Variants in ETFRF1 observed in about 807,000 individuals in gnomAD.
The protein encoded by ETFRF1 is electron transfer flavoprotein regulatory factor 1.
ETFRF1 carries 12 observed loss-of-function variants against 9.0 expected under a neutral mutation model. That is an observed-to-expected ratio of 1.34 (90% confidence interval 0.86 to 2.16). The LOEUF (loss-of-function observed/expected upper bound fraction) is 2.16, where lower values mean the gene tolerates loss of function less well. Among genes scored for constraint, ETFRF1 ranks in the 30% most tolerant of loss-of-function variants. The pLI is 0.00. For missense variants in ETFRF1, 98 were observed against 101.8 expected (o/e 0.96, Z 0.16); for synonymous variants, 34 against 33.2 (o/e 1.02, Z -0.08).
intron 1 of ETFRF1, among the ~76,000 whole-genome samples, chr12:25,202,196 T>C (rs138364459): frequency 4.4e-4 from 67 of 151,384 alleles, no homozygotes; most frequent in African/African-American, 1.5e-3. Context: ...ATGGCACCAC[T>C]GCACTCCAGC....
At chr12:25,200,062 TA>T (rs1203356956) in intron 1 of ETFRF1, among the ~76,000 whole-genome samples, 1 of 152,006 alleles carries the variant, frequency 6.6e-6, no homozygotes, top group Non-Finnish European at 1.5e-5. Context: ...ATACATAAAT[TA>T]GCCATGCTTA....
chr12:25,202,391 AGG>A (rs1951081871), intron 1 of ETFRF1, among the ~76,000 whole-genome samples: 2 of 45,664 alleles, frequency 4.4e-5, no homozygotes, highest in African/African-American at 8.8e-5. Flanking sequence ...AAATGCAGTG[AGG>A]AGGGCCTCTG....
At chr12:25,199,894 A>C (rs774427502) in intron 1 of ETFRF1, among the ~76,000 whole-genome samples, 1 of 152,200 alleles carries the variant, frequency 6.6e-6, no homozygotes, top group Non-Finnish European at 1.5e-5. Context: ...TTGGAAGAAG[A>C]AAATGAGAAA....
At position 25,204,470 on chromosome 12, in the gene ETFRF1, G is replaced by C. The variant is rs1215442144; in HGVS notation, c.*158G>C. On this transcript the variant is annotated 3_prime_UTR_variant, in exon 3 of 3. Transcript: ENST00000381356. Reference sequence around the variant, plus strand: ...AGGTTTCAACTTCTGTTCATACGGAGAAAGTATCAGCAACTTTATGCTCAA... The same window carrying C: ...AGGTTTCAACTTCTGTTCATACGGACAAAGTATCAGCAACTTTATGCTCAA... The C allele has an allele frequency of 2.0e-6, 1 of 491,294 alleles. No homozygotes were observed. Among genetic ancestry groups the C allele is most frequent in the Non-Finnish European group, 3.4e-6 (1 of 296,230 alleles). The allele number at this position is 491,294 out of a possible 1,614,324, so 30.4% of individuals were successfully genotyped here.
In ETFRF1 at chr12:25,204,467, G is replaced by A. The variant is rs1271313989; in HGVS notation, c.*155G>A. The A allele has an allele frequency of 7.9e-6, 4 of 505,954 alleles. No homozygotes were observed. The highest frequency in any genetic ancestry group is 1.3e-5 in the Non-Finnish European group (4 of 309,254). 31.3% of individuals were successfully genotyped at this position (505,954 alleles called of 1,614,324 possible). On this transcript the variant is annotated 3_prime_UTR_variant, in exon 3 of 3. Coordinates refer to ENST00000381356, the MANE Select transcript of ETFRF1 (RefSeq NM_001001660.3). ...AATAGGTTTCAACTTCTGTTCATAC[G>A]GAGAAAGTATCAGCAACTTTATGCT...
intron 1 of ETFRF1, chr12:25,195,842 T>G (rs7979670): frequency 1 from 152,129 of 152,398 alleles, 75,933 homozygotes; most frequent in Non-Finnish European, 1. Context: ...CAGACTAATT[T>G]TACTAACCAC....
At chr12:25,203,148 T>C (rs2141471736) in intron 1 of ETFRF1, among the ~76,000 whole-genome samples, 2 of 152,074 alleles carry the variant, frequency 1.3e-5, no homozygotes, top group South Asian at 4.1e-4. Context: ...AAATTGCAGT[T>C]GCATCCACCT....
chr12:25,202,411 G>A (rs1325189576), intron 1 of ETFRF1, among the ~76,000 whole-genome samples: 1 of 151,996 alleles, frequency 6.6e-6, no homozygotes, highest in Non-Finnish European at 1.5e-5. Context: ...CTGGGGGTAG[G>A]GACTTGTGCA....
rs1261113412 is a variant in ETFRF1 at position 25,204,011 on chromosome 12, A to T, written c.51+4A>T. 6.6e-7 allele frequency: 1 copy of T among 1,511,204 alleles called. No individual in the cohort carries two copies. Among genetic ancestry groups the T allele is most frequent in the Admixed American group, 2.4e-5 (1 of 41,644 alleles). The allele number at this position is 1,511,204 out of a possible 1,614,324, so 93.6% of individuals were successfully genotyped here. The stretch of plus-strand genomic sequence containing the variant: ...AGTACTAAAACTTTATAAAAATGTA[A>T]GTAATTATGTTGCCAATTTTATAAA... On this transcript the variant is annotated splice_donor_region_variant and intron_variant, in intron 2 of 2. Transcript: ENST00000381356.
In ETFRF1 at chr12:25,199,936, G is replaced by A. The variant is rs188008072; in HGVS notation, c.-37-3984G>A. 1.1e-4 allele frequency among the ~76,000 whole-genome samples: 17 copies of A among 152,262 alleles called. No homozygotes were observed. In the East Asian group the frequency reaches 1.7e-3, roughly 16 times the overall value. ...CATACAACTAAATAAAAGGCTGGGC[G>A]CAGAGGCACACACCTGTTATCCCAG... On this transcript the variant is annotated intron_variant, in intron 1 of 2. Transcript: ENST00000381356.
intron 1 of ETFRF1, among the ~76,000 whole-genome samples, chr12:25,202,423 A>G (rs932424468): frequency 2.0e-5 from 3 of 152,164 alleles, no homozygotes; most frequent in Admixed American, 6.5e-5. Flanking sequence ...ACTTGTGCAC[A>G]GCAGCAGCCT....
chr12:25,204,483 A>G lies in ETFRF1; in HGVS notation c.*171A>G, dbSNP rs999527358. The G allele has an allele frequency of 2.8e-5, 13 of 458,746 alleles. No homozygotes were observed. Among genetic ancestry groups the G allele is most frequent in the Non-Finnish European group, 4.8e-5 (13 of 269,888 alleles). The allele number at this position is 458,746 out of a possible 1,614,324, so 28.4% of individuals were successfully genotyped here. A position where few individuals can be genotyped will look rare whatever the true frequency, so the allele number is the denominator to read the frequency against. On this transcript the variant is annotated 3_prime_UTR_variant, in exon 3 of 3. Coordinates refer to ENST00000381356, the MANE Select transcript of ETFRF1 (RefSeq NM_001001660.3). Reference sequence around the variant, plus strand: ...TGTTCATACGGAGAAAGTATCAGCAACTTTATGCTCAATTTTGATACAAAC... The same window carrying G: ...TGTTCATACGGAGAAAGTATCAGCAGCTTTATGCTCAATTTTGATACAAAC...
At chr12:25,196,923 A>T (rs1319775123) in intron 1 of ETFRF1, among the ~76,000 whole-genome samples, 1 of 152,136 alleles carries the variant, frequency 6.6e-6, no homozygotes, top group Non-Finnish European at 1.5e-5. Context: ...GAGAGGCCAA[A>T]GTGGGTGGAT....
At chr12:25,199,224 G>T (rs1951054624) in intron 1 of ETFRF1, among the ~76,000 whole-genome samples, 1 of 148,022 alleles carries the variant, frequency 6.8e-6, no homozygotes, top group African/African-American at 2.5e-5. Flanking sequence ...ACATATTTTT[G>T]TTTCCATAGA....
chr12:25,203,132 T>C (rs1418712464), intron 1 of ETFRF1, among the ~76,000 whole-genome samples: 1 of 152,180 alleles, frequency 6.6e-6, no homozygotes, highest in Non-Finnish European at 1.5e-5. Flanking sequence ...TCAATCACAA[T>C]GGAACAAATT....
chr12:25,196,213 T>A (rs528142202), intron 1 of ETFRF1: 2 of 152,374 alleles, frequency 1.3e-5, no homozygotes, highest in African/African-American at 4.8e-5. Flanking sequence ...GCATTTTACA[T>A]CCATATCCTG....
At chr12:25,197,800 C>T (rs967603487) in intron 1 of ETFRF1, among the ~76,000 whole-genome samples, 2 of 151,988 alleles carry the variant, frequency 1.3e-5, no homozygotes, top group African/African-American at 2.4e-5. Flanking sequence ...GATTATTTCA[C>T]GCTGCTAATG....
intron 1 of ETFRF1, among the ~76,000 whole-genome samples, chr12:25,198,182 T>C (rs1417666077): frequency 1.3e-5 from 2 of 152,164 alleles, no homozygotes. Flanking sequence ...AAAGTAATAC[T>C]AGTCCCTGGA....
chr12:25,202,063 CAAAAAAAA>C lies in ETFRF1; in HGVS notation c.-37-1844_-37-1837del, dbSNP rs149050811. Among the ~76,000 whole-genome samples, 4 of 52,814 alleles carry C rather than the reference CAAAAAAAA, an allele frequency of 7.6e-5. 1 individual carries two copies. The highest frequency in any genetic ancestry group is 1.5e-4 in the Non-Finnish European group (4 of 26,902). The allele number at this position is 52,814 out of a possible 152,430, so 34.6% of individuals were successfully genotyped here. On this transcript the variant is annotated intron_variant, in intron 1 of 2. Transcript: ENST00000381356. Reference sequence around the variant, plus strand: ...GTGAAACCCCGTCTCTACTGAAATACAAAAAAAAAAAAAAAAAAAATTAGCCAGGCGTG... The same window carrying C: ...GTGAAACCCCGTCTCTACTGAAATACAAAAAAAAAAAATTAGCCAGGCGTG...
Sources: gnomAD v4.1 joint callset for allele counts (sites outside exome capture counted in the v4.1 genomes callset) on GRCh38, gnomAD v4.1.1 for gene constraint, MANE v1.5 for transcripts, NCBI Gene and HGNC (gene_info 2026-07-23, HGNC 2026-07-21) for gene names.